The following NUP155 variants were observed in gnomAD, a reference collection of about 807,000 sequenced individuals.
NUP155 encodes the protein nuclear pore complex protein Nup155.
Under a neutral mutation model 180.4 loss-of-function variants are expected in NUP155, and 71 were observed. The ratio of observed to expected loss-of-function variants is 0.39; its 90% CI spans 0.33 to 0.48. NUP155 has a LOEUF of 0.48. Among genes scored for constraint, NUP155 ranks in the 20% least tolerant of loss-of-function variants. NUP155 has a pLI of 0.91. For missense variants in NUP155, 1,553 were observed against 1,648.9 expected (o/e 0.94, Z 1.01); for synonymous variants, 582 against 559.5 (o/e 1.04, Z -0.57).
intron 8 of NUP155, 47 bp from the exon 9 acceptor site, chr5:37,348,643 C>T: frequency 9.7e-7 from 1 of 1,031,742 alleles, no homozygotes; most frequent in Non-Finnish European, 1.5e-6. Context: ...ATATACTATA[C>T]ACATATTATT....
chr5:37,363,422 A>G (rs1747346235), intron 3 of NUP155, among the ~76,000 whole-genome samples: 1 of 152,232 alleles, frequency 6.6e-6, no homozygotes, highest in African/African-American at 2.4e-5. Flanking sequence ...TTTAAGCAAA[A>G]GTACCTTAGG....
intron 9 of NUP155, among the ~76,000 whole-genome samples, chr5:37,343,761 C>T (rs1311745430): frequency 1.3e-5 from 2 of 151,860 alleles, no homozygotes; most frequent in African/African-American, 4.8e-5. Context: ...GGGGTGGTAG[C>T]GCATGCCTGT....
chr5:37,314,014 T>C (rs1743700862), intron 22 of NUP155, among the ~76,000 whole-genome samples, 184 bp downstream of exon 22: 1 of 152,148 alleles, frequency 6.6e-6, no homozygotes, highest in Non-Finnish European at 1.5e-5. Context: ...AGTAAAAACT[T>C]GCGGCTTTGA....
At chr5:37,346,003 G>A (rs1481745691) in intron 9 of NUP155, among the ~76,000 whole-genome samples, 1 of 151,816 alleles carries the variant, frequency 6.6e-6, no homozygotes, top group East Asian at 1.9e-4. Context: ...AAATTAGAGG[G>A]AAAAACAGAA....
chr5:37,343,930 T>C (rs756918104), intron 9 of NUP155, among the ~76,000 whole-genome samples: 1 of 152,122 alleles, frequency 6.6e-6, no homozygotes, highest in Non-Finnish European at 1.5e-5. Flanking sequence ...CTTTATAATG[T>C]AGACATTTGG....
At chr5:37,352,894 T>C in intron 4 of NUP155, 65 bp from the exon 5 acceptor site, 1 of 1,101,278 alleles carries the variant, frequency 9.1e-7, no homozygotes, top group South Asian at 1.3e-5. Context: ...AGTAAGCTTT[T>C]ATTACCATTA....
chr5:37,328,284 C>G, intron 17 of NUP155, 74 bp downstream of exon 17: 1 of 1,088,948 alleles, frequency 9.2e-7, no homozygotes, highest in South Asian at 1.3e-5. Context: ...ATCTTTTTCA[C>G]ACTAAGCATT....
At position 37,313,259 on chromosome 5, in the gene NUP155, C is replaced by T. The variant is rs143978474; in HGVS notation, c.2436+939G>A. 9.2e-5 allele frequency among the ~76,000 whole-genome samples: 14 copies of T among 151,760 alleles called. No homozygotes were observed. In the South Asian group the frequency reaches 1.3e-3, roughly 14 times the overall value. ...CACCCTGGGCAACACGGTGAAACCC[C>T]GTCTCTACTAAAATACAAAAAATTA... On this transcript the variant is annotated intron_variant, in intron 22 of 34. Coordinates refer to ENST00000231498, the MANE Select transcript of NUP155 (RefSeq NM_153485.3).
intron 33 of NUP155, among the ~76,000 whole-genome samples, chr5:37,293,989 G>A (rs1280153609): frequency 4.8e-5 from 2 of 41,784 alleles, no homozygotes; most frequent in East Asian, 1.3e-3. Flanking sequence ...CTGGGCAACA[G>A]AGCGAGACGC....
At position 37,342,610 on chromosome 5, in the gene NUP155, T is replaced by A; in HGVS notation, c.1032A>T (p.Gln344His). 1 of 1,613,100 alleles carries A rather than the reference T, an allele frequency of 6.2e-7. No individual in the cohort carries two copies. The highest frequency in any genetic ancestry group is 8.5e-7 in the Non-Finnish European group (1 of 1,179,118). ...ATTCAGAATTTTCAATCACTGCTAT[T>A]TGGACAATTGGTTTAAAAACAGAAC... Reference protein sequence around the residue: ...IDRSVFKPIVQIAVIENSESL... With the variant: ...IDRSVFKPIVHIAVIENSESL... The change falls in exon 10 of 35, where the codon CAA (glutamine) becomes CAT (histidine). Residue 344 changes from glutamine to histidine, a missense_variant. Gln to His is a conservative substitution (Grantham distance 24). Coordinates refer to ENST00000231498, the MANE Select transcript of NUP155 (RefSeq NM_153485.3).
intron 9 of NUP155, among the ~76,000 whole-genome samples, chr5:37,347,424 G>A (rs760041291): frequency 6.6e-6 from 1 of 151,626 alleles, no homozygotes; most frequent in African/African-American, 2.4e-5. Context: ...AGCTGGGCAC[G>A]GTGGCTCACG....
At chr5:37,295,849 G>A (rs1287929649) in intron 32 of NUP155, among the ~76,000 whole-genome samples, 20 of 150,682 alleles carry the variant, frequency 1.3e-4, no homozygotes, top group Middle Eastern at 3.4e-3. Flanking sequence ...CCCTCCGCCC[G>A]GCAGCCACCC....
rs963042495 is a variant in NUP155 at position 37,295,258 on chromosome 5, G to A, written c.3794-793C>T. Among the ~76,000 whole-genome samples the A allele has an allele frequency of 1.1e-4, 16 of 152,122 alleles. 1 individual carries two copies. Among genetic ancestry groups the A allele is most frequent in the African/African-American group, 2.4e-4 (10 of 41,406 alleles). On this transcript the variant is annotated intron_variant, in intron 32 of 34. Transcript: ENST00000231498. ...GAGACGGGGTTTTGCTGTGTTGGCC[G>A]GGCTGGTCTCCAGCTCCTAACCGCG...
chr5:37,358,481 C>A (rs1306210604), intron 3 of NUP155, among the ~76,000 whole-genome samples: 1 of 151,918 alleles, frequency 6.6e-6, no homozygotes, highest in African/African-American at 2.4e-5. Flanking sequence ...AAAAGAAAAA[C>A]AGAAAACCAA....
intron 2 of NUP155, 102 bp from the exon 3 acceptor site, chr5:37,364,086 G>A: frequency 8.9e-7 from 1 of 1,126,904 alleles, no homozygotes; most frequent in South Asian, 1.3e-5. Context: ...ATCACAATGT[G>A]TCCACTCTTT....
chr5:37,337,122 G>A (rs971274483), intron 12 of NUP155, among the ~76,000 whole-genome samples: 1 of 152,090 alleles, frequency 6.6e-6, no homozygotes, highest in African/African-American at 2.4e-5. Flanking sequence ...CTTATACACT[G>A]GGGACTAGGA....
intron 3 of NUP155, 31 bp from the exon 4 acceptor site, chr5:37,358,182 C>G: frequency 4.0e-6 from 6 of 1,512,226 alleles, no homozygotes; most frequent in Non-Finnish European, 5.5e-6. Flanking sequence ...ACATGTTACA[C>G]ATATAAAGCA....
chr5:37,361,470 G>A (rs954992832), intron 3 of NUP155, among the ~76,000 whole-genome samples: 7 of 152,016 alleles, frequency 4.6e-5, no homozygotes, highest in African/African-American at 1.7e-4. Flanking sequence ...TCCTGAAAAG[G>A]CCATCCACAC....
chr5:37,310,628 G>C lies in NUP155; in HGVS notation c.2552C>G (p.Ala851Gly), dbSNP rs201980453. Reference sequence around the variant, plus strand: ...TAAATGTAAACTAATGCCATCAACAGCGGCATTATCTCTGATGTAGCAGTT... The same window carrying C: ...TAAATGTAAACTAATGCCATCAACACCGGCATTATCTCTGATGTAGCAGTT... ...LINCYIRDNA[A>G]VDGISLHLQD... Residue 851 changes from alanine to glycine, a missense_variant, in exon 23 of 35, where the codon GCT (alanine) becomes GGT (glycine). By Grantham distance (60) the Ala-to-Gly change is moderately conservative. Transcript: ENST00000231498. The C allele has an allele frequency of 1.1e-5, 18 of 1,613,092 alleles. No individual in the cohort carries two copies. Among genetic ancestry groups the C allele is most frequent in the Non-Finnish European group, 1.4e-5 (17 of 1,179,312 alleles).
Sources: gnomAD v4.1 joint callset for allele counts (sites outside exome capture counted in the v4.1 genomes callset) on GRCh38, gnomAD v4.1.1 for gene constraint, MANE v1.5 for transcripts, NCBI Gene and HGNC (gene_info 2026-07-23, HGNC 2026-07-21) for gene names.